RNF220: variants seen among roughly 807,000 people sequenced by gnomAD.
The protein encoded by RNF220 is ring finger protein 220, also known as E3 ubiquitin-protein ligase RNF220.
In RNF220, 7 loss-of-function variants were observed where a neutral mutation model predicts 67.1. The ratio of observed to expected loss-of-function variants is 0.10; its 90% CI spans 0.06 to 0.20. The LOEUF is 0.20. RNF220 is among the 10% of genes least tolerant of loss of function. RNF220 has a pLI of 1.00. For synonymous variants in RNF220, 270 were observed against 283.2 expected, an observed-to-expected ratio of 0.95 and a Z score of 0.47; for missense variants, 565 against 740.3, an observed-to-expected ratio of 0.76 and a Z score of 2.75.
intron 2 of RNF220, among the ~76,000 whole-genome samples, chr1:44,526,179 T>C (rs1433774438): frequency 6.6e-6 from 1 of 152,184 alleles, no homozygotes; most frequent in Non-Finnish European, 1.5e-5. Flanking sequence ...CCTGTGATGC[T>C]CCGGGGAGAA....
chr1:44,647,522 G>C (rs1644685814), intron 12 of RNF220, among the ~76,000 whole-genome samples: 1 of 152,130 alleles, frequency 6.6e-6, no homozygotes, highest in South Asian at 2.1e-4. Flanking sequence ...GAAAGAGTCA[G>C]AGCCTTTCTT....
chr1:44,650,404 C>G lies in RNF220; in HGVS notation c.1630-300C>G, dbSNP rs1644760163. 1.9e-6 allele frequency: 1 copy of G among 513,474 alleles called. No homozygotes were observed. The highest frequency in any genetic ancestry group is 1.9e-5 in the African/African-American group (1 of 52,348). 31.8% of individuals were successfully genotyped at this position (513,474 alleles called of 1,614,324 possible). On this transcript the variant is annotated intron_variant, in intron 14 of 14. Transcript: ENST00000361799. This position sits in a 1 kb window ranked among gnomAD's most constrained non-coding sequence, Gnocchi z 4.3. Reference sequence around the variant, plus strand: ...AAAGGCTCGGACGTGGGCTCTGTGTCCTGATCAAAGGCCGCGTGTAATCTC... The same window carrying G: ...AAAGGCTCGGACGTGGGCTCTGTGTGCTGATCAAAGGCCGCGTGTAATCTC...
chr1:44,540,535 C>T (rs913629470), intron 2 of RNF220, among the ~76,000 whole-genome samples: 3 of 152,128 alleles, frequency 2.0e-5, no homozygotes, highest in Admixed American at 1.3e-4. Flanking sequence ...TGTGTTGTTG[C>T]GTTCCCTCTC....
At chr1:44,479,825 A>T (rs1425122233) in intron 2 of RNF220, among the ~76,000 whole-genome samples, 1 of 152,212 alleles carries the variant, frequency 6.6e-6, no homozygotes, top group African/African-American at 2.4e-5. Context: ...TTCTGAGTTT[A>T]TCACTTTCTT....
rs569914417 is a variant in RNF220 at position 44,627,907 on chromosome 1, A to T, written c.906+1509A>T. 2.0e-5 allele frequency among the ~76,000 whole-genome samples: 3 copies of T among 152,366 alleles called. No homozygotes were observed. The East Asian group carries it at 5.8e-4, about 29-fold the overall frequency. On this transcript the variant is annotated intron_variant, in intron 5 of 14. Coordinates refer to ENST00000361799, the MANE Select transcript of RNF220 (RefSeq NM_018150.4). Reference sequence around the variant, plus strand: ...ACAGGGTGCAGAGCTTGGAGAGTAGAGTGCCCAGCACGGCTGGACAGACTC... The same window carrying T: ...ACAGGGTGCAGAGCTTGGAGAGTAGTGTGCCCAGCACGGCTGGACAGACTC...
At chr1:44,569,438 C>T (rs1664271145) in intron 2 of RNF220, among the ~76,000 whole-genome samples, 2 of 152,180 alleles carry the variant, frequency 1.3e-5, no homozygotes, top group Non-Finnish European at 2.9e-5. Context: ...AAGAGGGATA[C>T]GGTCCCCTGA....
intron 2 of RNF220, among the ~76,000 whole-genome samples, chr1:44,420,101 T>C (rs895460902): frequency 1.3e-5 from 2 of 152,222 alleles, no homozygotes; most frequent in South Asian, 2.1e-4. Flanking sequence ...GCAATTCAGA[T>C]ATGTGGCTGT....
intron 2 of RNF220, among the ~76,000 whole-genome samples, chr1:44,562,316 C>T (rs535649210): frequency 1.3e-5 from 2 of 152,128 alleles, no homozygotes; most frequent in East Asian, 1.9e-4. Flanking sequence ...CGGAGCAGTG[C>T]GGGGAATCCA....
chr1:44,484,776 A>G (rs1395978621), intron 2 of RNF220, among the ~76,000 whole-genome samples: 1 of 152,124 alleles, frequency 6.6e-6, no homozygotes, highest in Non-Finnish European at 1.5e-5. Flanking sequence ...TAATTAATGA[A>G]TTTCTCTCCT....
At chr1:44,502,004 G>T (rs924479248) in intron 2 of RNF220, among the ~76,000 whole-genome samples, 1 of 147,256 alleles carries the variant, frequency 6.8e-6, no homozygotes, top group African/African-American at 2.5e-5. Context: ...GCAATTCCAA[G>T]TTGGGGAGTG....
In RNF220 at chr1:44,405,282, GGCAGCACT is replaced by G; in HGVS notation, c.-363_-356del. The G allele has an allele frequency of 2.3e-6, 1 of 432,290 alleles. No homozygotes were observed. The allele number at this position is 432,290 out of a possible 1,614,324, so 26.8% of individuals were successfully genotyped here. Reference sequence around the variant, plus strand: ...TCACTGATTAGATCCAGCGCTGAGAGGCAGCACTGCTCCTTCTCTCACGCCAACTGAGT... The same window carrying G: ...TCACTGATTAGATCCAGCGCTGAGAGGCTCCTTCTCTCACGCCAACTGAGT... On this transcript the variant is annotated 5_prime_UTR_variant, in exon 1 of 15. Transcript: ENST00000361799.
At chr1:44,520,623 C>G (rs557137877) in intron 2 of RNF220, among the ~76,000 whole-genome samples, 32 of 152,316 alleles carry the variant, frequency 2.1e-4, no homozygotes, top group Non-Finnish European at 4.0e-4. Flanking sequence ...AGTAAAACTT[C>G]AAGTTCAAGC....
At chr1:44,523,150 T>C (rs1168147449) in intron 2 of RNF220, among the ~76,000 whole-genome samples, 1 of 152,230 alleles carries the variant, frequency 6.6e-6, no homozygotes, top group Non-Finnish European at 1.5e-5. Context: ...ATGTTTTGTC[T>C]GTAGAGTTGG....
intron 3 of RNF220, among the ~76,000 whole-genome samples, chr1:44,615,974 A>C (rs1271683945): frequency 6.6e-6 from 1 of 152,308 alleles, no homozygotes; most frequent in Non-Finnish European, 1.5e-5. Context: ...GGTCATCTGA[A>C]GATCTGACTG....
At chr1:44,494,429 C>G (rs547175898) in intron 2 of RNF220, among the ~76,000 whole-genome samples, 2 of 152,022 alleles carry the variant, frequency 1.3e-5, no homozygotes, top group South Asian at 4.2e-4. Context: ...TTTGAAACAG[C>G]AAAAGTTTGA....
At chr1:44,405,562 G>A (rs1647251795) in intron 1 of RNF220, 32 bp downstream of exon 1, 1 of 364,276 alleles carries the variant, frequency 2.7e-6, no homozygotes, top group Non-Finnish European at 5.0e-6. Context: ...GTGGACGTGT[G>A]TGCGTACCCA....
chr1:44,427,652 G>T (rs1290878574), intron 2 of RNF220, among the ~76,000 whole-genome samples: 1 of 152,204 alleles, frequency 6.6e-6, no homozygotes, highest in Non-Finnish European at 1.5e-5. Context: ...AGACATAGTA[G>T]TTTAAGAAGA....
chr1:44,412,288 A>G lies in RNF220; in HGVS notation c.191A>G (p.Asn64Ser), dbSNP rs367598801. 69 of 1,613,972 alleles carry G rather than the reference A, an allele frequency of 4.3e-5. No individual in the cohort carries two copies. The highest frequency in any genetic ancestry group is 5.6e-5 in the Non-Finnish European group (66 of 1,180,010). ...VDKDVHIPFT[N>S]GSYTFASMYH... ...AAGGACGTGCATATTCCTTTCACCA[A>G]CGGTTCCTATACCTTTGCCTCTATG... Residue 64 changes from asparagine (N) to serine (S), a missense_variant, in exon 2 of 15, where the codon AAC (asparagine) becomes AGC (serine). Coordinates refer to ENST00000361799, the MANE Select transcript of RNF220 (RefSeq NM_018150.4). This position sits in a 1 kb window ranked among gnomAD's most constrained non-coding sequence, Gnocchi z 5.3.
At chr1:44,582,373 G>A (rs1244917170) in intron 2 of RNF220, among the ~76,000 whole-genome samples, 2 of 152,164 alleles carry the variant, frequency 1.3e-5, no homozygotes, top group Admixed American at 1.3e-4. Context: ...GGGAAAAGAA[G>A]GGCCCTCCAG....
Sources: gnomAD v4.1 joint callset for allele counts (sites outside exome capture counted in the v4.1 genomes callset) on GRCh38, gnomAD v4.1.1 for gene constraint, Gnocchi (gnomAD v3.1) non-coding constraint, MANE v1.5 for transcripts, NCBI Gene and HGNC (gene_info 2026-07-23, HGNC 2026-07-21) for gene names.